CCNDBP1: variants seen among roughly 807,000 people sequenced by gnomAD.
CCNDBP1 encodes the protein cyclin-D1-binding protein 1.
In CCNDBP1, 45 loss-of-function variants were observed where a neutral mutation model predicts 46.2. The ratio of observed to expected loss-of-function variants is 0.97; its 90% CI spans 0.77 to 1.25. CCNDBP1 has a LOEUF of 1.25. Among genes scored for constraint, CCNDBP1 ranks in the 50% most tolerant of loss-of-function variants. The probability of loss-of-function intolerance (pLI) is 0.00; values close to 1 mark genes in which losing one functional copy is unlikely to be tolerated. For synonymous variants in CCNDBP1, 154 were observed against 163.6 expected (o/e 0.94, Z 0.45); for missense variants, 436 against 442.1 (o/e 0.99, Z 0.12).
chr15:43,186,183 G>A lies in CCNDBP1; in HGVS notation c.199G>A (p.Ala67Thr). Residue 67 changes from alanine to threonine, a missense_variant, in exon 3 of 11, where the codon GCC becomes ACC. Physicochemically the swap from Ala to Thr is moderately conservative, Grantham distance 58. Coordinates refer to ENST00000300213, the MANE Select transcript of CCNDBP1 (RefSeq NM_012142.5). ...GGCAGCTGTGACTGTGTCAAGGGAAGCCACGACTCTGACCATAGTCTTCTC... is the reference window on the plus strand; with the variant it reads ...GGCAGCTGTGACTGTGTCAAGGGAAACCACGACTCTGACCATAGTCTTCTC... ...NEAAVTVSRE[A>T]TTLTIVFSQL... 3.7e-6 allele frequency: 6 copies of A among 1,614,142 alleles called. No homozygotes were observed. Among genetic ancestry groups the A allele is most frequent in the Non-Finnish European group, 5.1e-6 (6 of 1,179,996 alleles).
At chr15:43,191,802 A>G (rs1319290943) in intron 8 of CCNDBP1, 127 bp downstream of exon 8, 1 of 1,013,522 alleles carries the variant, frequency 9.9e-7, no homozygotes, top group Non-Finnish European at 1.4e-6. Flanking sequence ...AAGTTTAAAA[A>G]GTACCTTCAG....
At chr15:43,186,035 G>A in intron 2 of CCNDBP1, 119 bp from the exon 3 acceptor site, 2 of 1,217,548 alleles carry the variant, frequency 1.6e-6, no homozygotes, top group Non-Finnish European at 2.4e-6. Flanking sequence ...GGGTGAAATA[G>A]AATTCTAACC....
chr15:43,190,210 AG>A (rs753810376), intron 5 of CCNDBP1, 59 bp downstream of exon 5: 23 of 1,596,150 alleles, frequency 1.4e-5, no homozygotes, highest in Non-Finnish European at 1.9e-5. Context: ...AGAGGGGAAA[AG>A]CTCATTTTAA....
intron 6 of CCNDBP1, 32 bp downstream of exon 6, chr15:43,190,430 C>T: frequency 6.3e-7 from 1 of 1,582,502 alleles, no homozygotes; most frequent in South Asian, 1.1e-5. Flanking sequence ...GCCATGTCTG[C>T]TGGCCAAAGC....
intron 4 of CCNDBP1, 74 bp downstream of exon 4, chr15:43,189,354 CT>C: frequency 2.5e-6 from 2 of 814,430 alleles, no homozygotes; most frequent in Non-Finnish European, 3.9e-6. Context: ...TGACTTTTAC[CT>C]TTACCCAACT....
In CCNDBP1 at chr15:43,190,341, CT is replaced by C; in HGVS notation, c.447del (p.Ile150PhefsTer26). The C allele has an allele frequency of 6.2e-7, 1 of 1,614,110 alleles. No homozygotes were observed. Among genetic ancestry groups the C allele is most frequent in the Non-Finnish European group, 8.5e-7 (1 of 1,179,992 alleles). ...TTTCCCCAGCCCTGAGAACAATGAC[CT>C]TATTTCCTACAACAGTGTCTGGGTT... ...TPTQSPENND[L>X]ISYNSVWVAC... On this transcript the variant is annotated frameshift_variant, in exon 6 of 11. Transcript: ENST00000300213. LOFTEE classifies it high-confidence loss of function.
chr15:43,188,634 G>A (rs1301353968), intron 3 of CCNDBP1: 1 of 152,234 alleles, frequency 6.6e-6, no homozygotes, highest in East Asian at 1.9e-4. Flanking sequence ...AGAGTATCAG[G>A]AATAAGTTTT....
intron 6 of CCNDBP1, 60 bp downstream of exon 6, chr15:43,190,458 A>G: frequency 7.7e-7 from 1 of 1,291,196 alleles, no homozygotes; most frequent in Non-Finnish European, 1.1e-6. Context: ...CCTCATGTCT[A>G]GCTTCCAGCT....
chr15:43,192,121 G>A (rs1021035897), intron 8 of CCNDBP1, among the ~76,000 whole-genome samples: 1 of 152,130 alleles, frequency 6.6e-6, no homozygotes, highest in African/African-American at 2.4e-5. Flanking sequence ...GTCCCACATT[G>A]CATTTAATTG....
intron 3 of CCNDBP1, 173 bp from the exon 4 acceptor site, chr15:43,189,026 C>T (rs1319937827): frequency 2.7e-6 from 1 of 373,232 alleles, no homozygotes; most frequent in Non-Finnish European, 4.5e-6. Context: ...TGCAGTGAGC[C>T]AAGATTGCGC....
chr15:43,194,690 A>C, intron 10 of CCNDBP1, 37 bp from the exon 11 acceptor site: 1 of 1,477,902 alleles, frequency 6.8e-7, no homozygotes, highest in South Asian at 1.1e-5. Context: ...TGACATCCTA[A>C]TAAGTTTAAC....
chr15:43,190,859 G>T, intron 6 of CCNDBP1, 107 bp from the exon 7 acceptor site: 1 of 876,286 alleles, frequency 1.1e-6, no homozygotes, highest in Non-Finnish European at 1.9e-6. Flanking sequence ...CTTGTCAACC[G>T]TCCTTGGCAC....
chr15:43,190,206 G>A (rs1046139815), intron 5 of CCNDBP1, 55 bp downstream of exon 5: 1 of 1,597,852 alleles, frequency 6.3e-7, no homozygotes, highest in African/African-American at 1.3e-5. Flanking sequence ...CCTCAGAGGG[G>A]AAAAGCTCAT....
chr15:43,194,625 C>G (rs2042015344), intron 10 of CCNDBP1, 102 bp from the exon 11 acceptor site: 7 of 1,051,618 alleles, frequency 6.7e-6, no homozygotes, highest in Admixed American at 2.3e-5. Flanking sequence ...AAGAAGCTTC[C>G]CTTTAAAAAA....
Position 43,191,503 on chromosome 15 carries a change from G to A in CCNDBP1, c.688G>A (p.Asp230Asn), listed in dbSNP as rs1470252275. ...DDVLGFPSNQ[D>N]LYWSEDDQEL... ...TGTGTTGGGGTTTCCCAGCAATCAG[G>A]ACTTGTATTGGTCAGAGGACGATCA... The change falls in exon 8 of 11, where the codon GAC (aspartate) becomes AAC (asparagine). Residue 230 changes from aspartate (D) to asparagine (N), a missense_variant. Physicochemically the swap from Asp to Asn is conservative, Grantham distance 23. Coordinates refer to ENST00000300213, the MANE Select transcript of CCNDBP1 (RefSeq NM_012142.5). 3.1e-6 allele frequency: 5 copies of A among 1,614,002 alleles called. No homozygotes were observed. The African/African-American group carries it at 5.3e-5, about 17-fold the overall frequency.
At chr15:43,193,014 TC>T in intron 9 of CCNDBP1, 1 of 563,290 alleles carries the variant, frequency 1.8e-6, no homozygotes, top group South Asian at 2.3e-5. Flanking sequence ...AGTTCTCTCT[TC>T]CATAATCACC....
At chr15:43,190,904 A>G in intron 6 of CCNDBP1, 62 bp from the exon 7 acceptor site, 1 of 1,276,870 alleles carries the variant, frequency 7.8e-7, no homozygotes, top group Non-Finnish European at 1.1e-6. Context: ...TGTTCCTTGC[A>G]GTCATAAGAA....
In CCNDBP1 at chr15:43,197,125, C is replaced by T; in HGVS notation, c.*2284C>T. On this transcript the variant is annotated 3_prime_UTR_variant, in exon 11 of 11. Transcript: ENST00000300213. ...AAGCAGCCTGAAGCCCTCACTGTTTCTTGTACAGCCTGCAGAGCCGTGAGC... is the reference window on the plus strand; with the variant it reads ...AAGCAGCCTGAAGCCCTCACTGTTTTTTGTACAGCCTGCAGAGCCGTGAGC... The T allele has an allele frequency of 1.2e-6, 1 of 838,316 alleles. No individual in the cohort carries two copies. The highest frequency in any genetic ancestry group is 1.6e-5 in the South Asian group (1 of 61,422). The allele number at this position is 838,316 out of a possible 1,614,324, so 51.9% of individuals were successfully genotyped here.
At position 43,191,315 on chromosome 15, in the gene CCNDBP1, G is replaced by A. The variant is rs373789199; in HGVS notation, c.580-80G>A. Reference sequence around the variant, plus strand: ...AAGATTTTTGGACAACTAAGACATCGTGGTAAAAGTATAATAATAGGCCTC... The same window carrying A: ...AAGATTTTTGGACAACTAAGACATCATGGTAAAAGTATAATAATAGGCCTC... On this transcript the variant is annotated intron_variant, in intron 7 of 10. Transcript: ENST00000300213. 16 of 1,406,700 alleles carry A rather than the reference G, an allele frequency of 1.1e-5. No individual in the cohort carries two copies. In the South Asian group the frequency reaches 1.4e-4, roughly 13 times the overall value. The allele number at this position is 1,406,700 out of a possible 1,614,324, so 87.1% of individuals were successfully genotyped here.
Sources: allele counts gnomAD v4.1 joint callset (sites outside exome capture counted in the v4.1 genomes callset), GRCh38; gene constraint gnomAD v4.1.1; transcripts MANE v1.5; gene names NCBI Gene and HGNC (gene_info 2026-07-23, HGNC 2026-07-21).